The following PAK1 variants were observed in gnomAD, a reference collection of about 807,000 sequenced individuals.
The protein encoded by PAK1 is p21 (RAC1) activated kinase 1.
PAK1 carries 29 observed loss-of-function variants against 67.4 expected under a neutral mutation model. The ratio of observed to expected loss-of-function variants is 0.43; its 90% CI spans 0.32 to 0.59. The LOEUF is 0.59. Among genes scored for constraint, PAK1 ranks in the 20% least tolerant of loss-of-function variants. The probability of loss-of-function intolerance (pLI) is 0.07; values close to 1 mark genes in which losing one functional copy is unlikely to be tolerated. For synonymous variants in PAK1, 223 were observed against 237.4 expected, an observed-to-expected ratio of 0.94 and a Z score of 0.56; for missense variants, 337 against 670.7, an observed-to-expected ratio of 0.50 and a Z score of 5.50.
chr11:77,338,505 T>C (rs1349180090), intron 11 of PAK1, among the ~76,000 whole-genome samples: 1 of 152,132 alleles, frequency 6.6e-6, no homozygotes, highest in Admixed American at 6.5e-5. Context: ...CCTCATACAT[T>C]GCTGGCAGGA....
chr11:77,333,104 G>A (rs1278230480), intron 13 of PAK1, among the ~76,000 whole-genome samples: 1 of 151,698 alleles, frequency 6.6e-6, no homozygotes, highest in Non-Finnish European at 1.5e-5. Context: ...CATCTCACAT[G>A]TCTGTAAAAA....
intron 11 of PAK1, among the ~76,000 whole-genome samples, chr11:77,340,280 A>G (rs895912903): frequency 5.9e-5 from 9 of 152,342 alleles, no homozygotes; most frequent in Admixed American, 4.6e-4. Context: ...GCACATAAAT[A>G]AAGCAAGAAA....
intron 10 of PAK1, among the ~76,000 whole-genome samples, chr11:77,341,621 T>C (rs887231084): frequency 1.4e-4 from 21 of 152,222 alleles, no homozygotes; most frequent in Non-Finnish European, 2.4e-4. Flanking sequence ...AATGTTTCCT[T>C]ACTATAGAAT....
chr11:77,440,022 C>G (rs2138425460), intron 1 of PAK1, among the ~76,000 whole-genome samples: 1 of 152,302 alleles, frequency 6.6e-6, no homozygotes, highest in East Asian at 1.9e-4. Flanking sequence ...ATCGGAGAAT[C>G]AGGTATTATA....
chr11:77,479,602 CTTTTT>C (rs34649009), upstream of PAK1, among the ~76,000 whole-genome samples: 2 of 80,534 alleles, frequency 2.5e-5, no homozygotes, highest in Non-Finnish European at 2.2e-5. Context: ...GAAAAATAAA[CTTTTT>C]TTTTTTTTTT....
At chr11:77,432,459 A>C (rs766581182) in intron 1 of PAK1, among the ~76,000 whole-genome samples, 1 of 152,144 alleles carries the variant, frequency 6.6e-6, no homozygotes, top group Non-Finnish European at 1.5e-5. Flanking sequence ...AAAAAAAGAA[A>C]TAAAGAAAAG....
At chr11:77,411,374 C>A (rs535982481) in intron 1 of PAK1, among the ~76,000 whole-genome samples, 2 of 151,968 alleles carry the variant, frequency 1.3e-5, no homozygotes, top group African/African-American at 4.8e-5. Flanking sequence ...AGGTCTCCTC[C>A]CTCCCAGTTC....
the PAK1 span, among the ~76,000 whole-genome samples, chr11:77,502,173 A>G: frequency 1.3e-5 from 2 of 152,180 alleles, no homozygotes; most frequent in Admixed American, 6.5e-5. Context: ...GTGTGCGTGT[A>G]TGTGCATGTG....
intron 2 of PAK1, 137 bp from the exon 3 acceptor site, chr11:77,380,131 T>C (rs1949625053): frequency 9.6e-6 from 6 of 627,550 alleles, no homozygotes; most frequent in Admixed American, 2.9e-5. Context: ...GTAGAAGAGC[T>C]CAGTTACGGA....
chr11:77,474,897 A>G (rs941422735), upstream of PAK1: 2 of 152,202 alleles, frequency 1.3e-5, no homozygotes, highest in Non-Finnish European at 2.9e-5. Flanking sequence ...CAGATTCAAC[A>G]TGTGCGAAAC....
the PAK1 span, among the ~76,000 whole-genome samples, chr11:77,524,809 G>A: frequency 1.7e-3 from 256 of 152,186 alleles, no homozygotes; most frequent in Non-Finnish European, 2.9e-3. Flanking sequence ...TTTATCTTTA[G>A]CACATGGGAC....
chr11:77,464,265 C>CCAA (rs1957491214), intron 1 of PAK1, among the ~76,000 whole-genome samples: 1 of 152,166 alleles, frequency 6.6e-6, no homozygotes, highest in African/African-American at 2.4e-5. Flanking sequence ...GCTTTTTCCC[C>CCAA]CTCAGTGTTC....
the PAK1 span, among the ~76,000 whole-genome samples, chr11:77,506,433 G>A: frequency 6.6e-6 from 1 of 152,334 alleles, no homozygotes; most frequent in Non-Finnish European, 1.5e-5. Context: ...TCACTACTGT[G>A]CCTGACAATT....
In PAK1 at chr11:77,358,993, G is replaced by A. The variant is rs777870573; in HGVS notation, c.502C>T (p.Pro168Ser). The A allele has an allele frequency of 1.9e-6, 3 of 1,613,056 alleles. No homozygotes were observed. The highest frequency in any genetic ancestry group is 2.5e-6 in the Non-Finnish European group (3 of 1,179,398). The change falls in exon 6 of 15, where the codon CCT becomes TCT. Residue 168 changes from proline (P) to serine (S), a missense_variant. By Grantham distance (74) the Pro-to-Ser change is moderately conservative. Coordinates refer to ENST00000356341, the MANE Select transcript of PAK1 (RefSeq NM_002576.5). Reference protein sequence around the residue: ...ALNVKAVSETPAVPPVSEDED... With the variant: ...ALNVKAVSETSAVPPVSEDED... Reference sequence around the variant, plus strand: ...TCTTCTGAAACTGGTGGCACTGCAGGAGTCTCAGACACAGCCTTCACATTC... The same window carrying A: ...TCTTCTGAAACTGGTGGCACTGCAGAAGTCTCAGACACAGCCTTCACATTC...
At chr11:77,389,527 A>G (rs1442315445) in intron 2 of PAK1, among the ~76,000 whole-genome samples, 1 of 152,110 alleles carries the variant, frequency 6.6e-6, no homozygotes, top group African/African-American at 2.4e-5. Context: ...AACACTTGTT[A>G]TTATCTTTTT....
At chr11:77,528,675 G>A in the PAK1 span, among the ~76,000 whole-genome samples, 1 of 152,162 alleles carries the variant, frequency 6.6e-6, no homozygotes, top group African/African-American at 2.4e-5. Context: ...TCTTGAATCT[G>A]TACTTTTCCA....
chr11:77,509,218 A>G, the PAK1 span, among the ~76,000 whole-genome samples: 1 of 151,798 alleles, frequency 6.6e-6, no homozygotes, highest in Admixed American at 6.5e-5. Flanking sequence ...AGATCGCGCC[A>G]CTGCACTCCA....
chr11:77,446,530 AAAAAG>A (rs1956616200), intron 1 of PAK1, among the ~76,000 whole-genome samples: 1 of 151,388 alleles, frequency 6.6e-6, no homozygotes, highest in Admixed American at 6.6e-5. Context: ...AAAAAAAAAA[AAAAAG>A]AAAGTTCAGA....
chr11:77,488,092 G>A, the PAK1 span, among the ~76,000 whole-genome samples: 10 of 152,186 alleles, frequency 6.6e-5, no homozygotes, highest in Admixed American at 6.5e-4. Context: ...GACTTTATGT[G>A]TTTGGGAGAA....
Sources: gnomAD v4.1 joint callset for allele counts (sites outside exome capture counted in the v4.1 genomes callset) on GRCh38, gnomAD v4.1.1 for gene constraint, MANE v1.5 for transcripts, NCBI Gene and HGNC (gene_info 2026-07-23, HGNC 2026-07-21) for gene names.